Variants in MDGA2 observed in about 807,000 individuals in gnomAD.
MDGA2 encodes MAM domain containing glycosylphosphatidylinositol anchor 2.
In MDGA2, 40 loss-of-function variants were observed where a neutral mutation model predicts 117.8. That is an observed-to-expected ratio of 0.34 (90% CI 0.26 to 0.44). The LOEUF (loss-of-function observed/expected upper bound fraction) is 0.44, where lower values mean the gene tolerates loss of function less well. MDGA2 is among the 20% of genes least tolerant of loss of function. MDGA2 has a pLI of 1.00. For missense variants in MDGA2, 1,123 were observed against 1,250.6 expected, an observed-to-expected ratio of 0.90 and a Z score of 1.54; for synonymous variants, 452 against 439.0, an observed-to-expected ratio of 1.03 and a Z score of -0.37.
chr14:47,286,562 A>G (rs1428675927), intron 2 of MDGA2, among the ~76,000 whole-genome samples: 2 of 151,806 alleles, frequency 1.3e-5, no homozygotes. Flanking sequence ...ATGTGACTTC[A>G]TTCTTTTTTG....
At chr14:47,124,766 T>C (rs780960296) in intron 5 of MDGA2, among the ~76,000 whole-genome samples, 3 of 151,950 alleles carry the variant, frequency 2.0e-5, no homozygotes, top group Non-Finnish European at 2.9e-5. Context: ...ACACTAGAGC[T>C]TTCTCTCTTT....
chr14:47,265,075 G>T lies in MDGA2; in HGVS notation c.420+36336C>A, dbSNP rs554371592. On this transcript the variant is annotated intron_variant, in intron 2 of 16. Coordinates refer to ENST00000399232, the MANE Select transcript of MDGA2 (RefSeq NM_001113498.3). ...CAAAAAGCTTCGATTTGTAGCATTT[G>T]CCAATTTCTATGATGAAATATTCTC... Among the ~76,000 whole-genome samples, 348 of 152,226 alleles carry T rather than the reference G, an allele frequency of 2.3e-3. 2 individuals are homozygous for T. Among genetic ancestry groups the T allele is most frequent in the African/African-American group, 7.8e-3 (323 of 41,544 alleles).
intron 1 of MDGA2, among the ~76,000 whole-genome samples, chr14:47,533,248 A>G (rs1015044001): frequency 3.3e-5 from 5 of 152,224 alleles, no homozygotes; most frequent in Non-Finnish European, 7.3e-5. Flanking sequence ...AAACACCAGG[A>G]AAGAAAGCAA....
intron 1 of MDGA2, among the ~76,000 whole-genome samples, chr14:47,477,858 A>C (rs946087940): frequency 2.0e-5 from 3 of 152,192 alleles, no homozygotes; most frequent in Non-Finnish European, 4.4e-5. Flanking sequence ...CTGTCAGATC[A>C]TCAAGCAAAC....
intron 1 of MDGA2, among the ~76,000 whole-genome samples, chr14:47,380,320 C>G (rs1418056408): frequency 6.6e-6 from 1 of 152,034 alleles, no homozygotes; most frequent in Non-Finnish European, 1.5e-5. Flanking sequence ...ACTACAAAAG[C>G]AAGAGCAAAC....
intron 2 of MDGA2, among the ~76,000 whole-genome samples, chr14:47,220,564 T>C (rs753068238): frequency 4.0e-4 from 61 of 152,074 alleles, no homozygotes; most frequent in Non-Finnish European, 7.9e-4. Context: ...CACAGAGAAG[T>C]AGTAAAATAG....
At chr14:47,277,676 C>T (rs1888350368) in intron 2 of MDGA2, among the ~76,000 whole-genome samples, 1 of 151,994 alleles carries the variant, frequency 6.6e-6, no homozygotes, top group Non-Finnish European at 1.5e-5. Flanking sequence ...ACCTAATCTA[C>T]CAAAACTATG....
intron 2 of MDGA2, among the ~76,000 whole-genome samples, chr14:47,268,869 T>C (rs1423514975): frequency 6.6e-6 from 1 of 152,228 alleles, no homozygotes; most frequent in Admixed American, 6.5e-5. Flanking sequence ...TAAGGATAAA[T>C]GCTGCCATAT....
chr14:47,611,395 AG>A (rs1396216204), intron 1 of MDGA2, among the ~76,000 whole-genome samples: 1 of 152,180 alleles, frequency 6.6e-6, no homozygotes, highest in Non-Finnish European at 1.5e-5. Context: ...GCATGGCAAA[AG>A]GAACAGTCAG....
At chr14:46,912,346 T>C (rs916439380) in intron 10 of MDGA2, among the ~76,000 whole-genome samples, 1 of 152,174 alleles carries the variant, frequency 6.6e-6, no homozygotes, top group Non-Finnish European at 1.5e-5. Flanking sequence ...TTGCTGGAAA[T>C]TCTATTACTA....
intron 1 of MDGA2, among the ~76,000 whole-genome samples, chr14:47,651,252 A>G (rs79827383): frequency 8.4e-6 from 1 of 119,202 alleles, no homozygotes; most frequent in African/African-American, 2.7e-5. Flanking sequence ...GTGTGTGTGT[A>G]TACCCATAAA....
At chr14:47,605,315 A>T (rs935805748) in intron 1 of MDGA2, among the ~76,000 whole-genome samples, 1 of 152,178 alleles carries the variant, frequency 6.6e-6, no homozygotes, top group Non-Finnish European at 1.5e-5. Context: ...GTTAAGTGGC[A>T]ATATTTGTGT....
intron 3 of MDGA2, among the ~76,000 whole-genome samples, chr14:47,168,919 T>A (rs1265720835): frequency 2.0e-5 from 3 of 152,106 alleles, no homozygotes; most frequent in Admixed American, 6.6e-5. Context: ...AACATTTAGA[T>A]CTGATATTTC....
intron 1 of MDGA2, among the ~76,000 whole-genome samples, chr14:47,508,936 C>A (rs1238488400): frequency 6.6e-6 from 1 of 152,126 alleles, no homozygotes; most frequent in Non-Finnish European, 1.5e-5. Context: ...GTGATCCACC[C>A]GCCTCGGCCT....
intron 1 of MDGA2, among the ~76,000 whole-genome samples, chr14:47,649,551 G>C (rs1370558651): frequency 2.0e-5 from 3 of 152,092 alleles, no homozygotes; most frequent in African/African-American, 7.2e-5. Context: ...TGAGCATGGA[G>C]ACACGTGCCT....
intron 1 of MDGA2, among the ~76,000 whole-genome samples, chr14:47,324,575 C>T (rs1236244085): frequency 2.0e-5 from 3 of 152,052 alleles, no homozygotes; most frequent in Admixed American, 6.6e-5. Flanking sequence ...CAAGAGTATT[C>T]TTTTCATATT....
intron 1 of MDGA2, among the ~76,000 whole-genome samples, chr14:47,604,631 T>G (rs1896709927): frequency 6.6e-6 from 1 of 151,900 alleles, no homozygotes; most frequent in African/African-American, 2.4e-5. Flanking sequence ...ACACCCAACC[T>G]AGTCTTCAAT....
chr14:47,643,289 T>G (rs1157785881), intron 1 of MDGA2, among the ~76,000 whole-genome samples: 1 of 152,028 alleles, frequency 6.6e-6, no homozygotes, highest in African/African-American at 2.4e-5. Context: ...CTATCAAAAG[T>G]TGAAAACATA....
At chr14:46,994,756 G>T (rs931736588) in intron 8 of MDGA2, among the ~76,000 whole-genome samples, 1 of 152,056 alleles carries the variant, frequency 6.6e-6, no homozygotes, top group Non-Finnish European at 1.5e-5. Context: ...ACACCCTTAA[G>T]TATAAAGCTT....
Sources: gnomAD v4.1 joint callset for allele counts (sites outside exome capture counted in the v4.1 genomes callset) on GRCh38, gnomAD v4.1.1 for gene constraint, MANE v1.5 for transcripts, NCBI Gene and HGNC (gene_info 2026-07-23, HGNC 2026-07-21) for gene names.